NUP210L: variants seen among roughly 807,000 people sequenced by gnomAD.
The protein encoded by NUP210L is nucleoporin 210 like, also known as nuclear pore membrane glycoprotein 210-like.
A neutral mutation model predicts 208.5 loss-of-function variants in NUP210L; 74 were observed. The ratio of observed to expected loss-of-function variants is 0.35; its 90% confidence interval spans 0.29 to 0.43. The LOEUF (loss-of-function observed/expected upper bound fraction) is 0.43, where lower values mean the gene tolerates loss of function less well. Ranked by LOEUF, NUP210L falls within the 20% of genes least tolerant of loss-of-function variation. NUP210L has a pLI of 1.00. For synonymous variants in NUP210L, 780 were observed against 816.9 expected (o/e 0.95, Z 0.77); for missense variants, 1,843 against 2,289.4 (o/e 0.81, Z 3.98).
chr1:154,054,698 G>A, intron 24 of NUP210L, 72 bp downstream of exon 24: 2 of 1,026,000 alleles, frequency 1.9e-6, no homozygotes, highest in Admixed American at 1.8e-5. Context: ...AGGAAGAGAG[G>A]TGTGTGTGTG....
At position 154,070,480 on chromosome 1, in the gene NUP210L, AAAGT is replaced by A; in HGVS notation, c.2362-19_2362-16del. ...GATACAGGAATCTGCATTAAAATAA[AAAGT>A]AATAAAACAACAATTTAAAAATCAA... On this transcript the variant is annotated splice_polypyrimidine_tract_variant and intron_variant, in intron 16 of 39. Coordinates refer to ENST00000368559, the Ensembl canonical transcript of NUP210L. The A allele has an allele frequency of 6.7e-7, 1 of 1,500,530 alleles. No homozygotes were observed. Among genetic ancestry groups the A allele is most frequent in the Non-Finnish European group, 8.9e-7 (1 of 1,117,422 alleles). The allele number at this position is 1,500,530 out of a possible 1,614,324, so 93.0% of individuals were successfully genotyped here.
chr1:154,044,047 G>A (rs1230408821), intron 27 of NUP210L, among the ~76,000 whole-genome samples: 1 of 152,122 alleles, frequency 6.6e-6, no homozygotes, highest in African/African-American at 2.4e-5. Context: ...TTAAAGAAAG[G>A]GAGAAGTAGA....
At chr1:154,151,065 G>A (rs536313937) in intron 2 of NUP210L, among the ~76,000 whole-genome samples, 3 of 152,212 alleles carry the variant, frequency 2.0e-5, no homozygotes, top group Admixed American at 6.5e-5. Context: ...AAGTTAAGCT[G>A]AGAGCAAGAT....
intron 2 of NUP210L, among the ~76,000 whole-genome samples, chr1:154,150,860 CA>C (rs1659349446): frequency 6.6e-6 from 1 of 151,938 alleles, no homozygotes; most frequent in African/African-American, 2.4e-5. Flanking sequence ...TTCTCTTAGG[CA>C]TGCACTTCTC....
intron 10 of NUP210L, among the ~76,000 whole-genome samples, chr1:154,120,531 A>G (rs1471674941): frequency 1.3e-5 from 2 of 151,916 alleles, no homozygotes; most frequent in African/African-American, 4.8e-5. Flanking sequence ...AACGTAAATG[A>G]TAAGTTAATG....
At chr1:154,142,450 G>T (rs1324472770) in intron 3 of NUP210L, among the ~76,000 whole-genome samples, 2 of 151,962 alleles carry the variant, frequency 1.3e-5, no homozygotes, top group Admixed American at 6.6e-5. Context: ...GATCAAGATT[G>T]TAACTTTTTT....
At chr1:154,144,785 T>C (rs992895705) in intron 2 of NUP210L, among the ~76,000 whole-genome samples, 21 of 152,186 alleles carry the variant, frequency 1.4e-4, no homozygotes, top group Admixed American at 1.2e-3. Flanking sequence ...TCCCTAACCA[T>C]AGATCTGCTT....
chr1:154,093,502 G>A (rs551007335), intron 15 of NUP210L, among the ~76,000 whole-genome samples: 50 of 152,284 alleles, frequency 3.3e-4, no homozygotes, highest in African/African-American at 1.1e-3. Context: ...TGAAATTACT[G>A]ATAGCTAGTT....
chr1:154,025,526 A>G lies in NUP210L; in HGVS notation c.4122+16T>C. 6.9e-7 allele frequency: 1 copy of G among 1,453,838 alleles called. No individual in the cohort carries two copies. Among genetic ancestry groups the G allele is most frequent in the Non-Finnish European group, 9.2e-7 (1 of 1,089,338 alleles). The allele number at this position is 1,453,838 out of a possible 1,614,324, so 90.1% of individuals were successfully genotyped here. On this transcript the variant is annotated intron_variant, in intron 30 of 39. Transcript: ENST00000368559. ...CTTTTATTTATTTGTTTTTTTTAGTAAGTCCATGAACTCACCTGGACCCCA... is the reference window on the plus strand; with the variant it reads ...CTTTTATTTATTTGTTTTTTTTAGTGAGTCCATGAACTCACCTGGACCCCA...
intron 10 of NUP210L, among the ~76,000 whole-genome samples, chr1:154,125,995 C>T (rs1374632099): frequency 6.6e-6 from 1 of 151,390 alleles, no homozygotes; most frequent in African/African-American, 2.4e-5. Context: ...GTCTCGATCT[C>T]CTGACCTCGT....
At chr1:154,112,829 A>G (rs529762546) in intron 12 of NUP210L, among the ~76,000 whole-genome samples, 1 of 147,936 alleles carries the variant, frequency 6.8e-6, no homozygotes, top group African/African-American at 2.5e-5. Flanking sequence ...GCACTCCAGC[A>G]TGGGCAACAG....
intron 37 of NUP210L, among the ~76,000 whole-genome samples, chr1:153,996,594 G>A (rs1390305450): frequency 3.3e-5 from 5 of 151,902 alleles, no homozygotes; most frequent in African/African-American, 1.2e-4. Context: ...GCTAATTTTC[G>A]TATTTTTAGT....
chr1:154,147,906 C>A (rs558024709), intron 2 of NUP210L, among the ~76,000 whole-genome samples: 1 of 146,124 alleles, frequency 6.8e-6, no homozygotes, highest in South Asian at 2.2e-4. Context: ...CCACCCGCCT[C>A]GGCCTCCCAA....
intron 11 of NUP210L, among the ~76,000 whole-genome samples, chr1:154,118,469 T>C (rs1657442624): frequency 6.6e-6 from 1 of 152,074 alleles, no homozygotes; most frequent in Non-Finnish European, 1.5e-5. Flanking sequence ...GGAAAGGATA[T>C]TGGGAAGAGA....
intron 33 of NUP210L, among the ~76,000 whole-genome samples, chr1:154,014,837 C>A (rs1651150364): frequency 6.6e-6 from 1 of 152,018 alleles, no homozygotes; most frequent in African/African-American, 2.4e-5. Context: ...AACCCTGCCT[C>A]TACTAAAAAT....
Position 154,142,781 on chromosome 1 carries a change from T to C in NUP210L, c.472+665A>G, listed in dbSNP as rs550966763. Among the ~76,000 whole-genome samples, 14 of 149,372 alleles carry C rather than the reference T, an allele frequency of 9.4e-5. No homozygotes were observed. In the East Asian group the frequency reaches 2.8e-3, roughly 30 times the overall value. On this transcript the variant is annotated intron_variant, in intron 3 of 39. Coordinates refer to ENST00000368559, the Ensembl canonical transcript of NUP210L. ...GCGCGTGCCTGTATTCCCAGCTACT[T>C]GGGAGGCTGAGGCACAAGAATCGCC...
At chr1:154,151,742 C>T (rs1475284448) in intron 2 of NUP210L, among the ~76,000 whole-genome samples, 1 of 152,072 alleles carries the variant, frequency 6.6e-6, no homozygotes, top group Non-Finnish European at 1.5e-5. Flanking sequence ...GAGCTACTGT[C>T]GTGCCATTGC....
chr1:154,122,415 G>A (rs560024945), intron 10 of NUP210L, among the ~76,000 whole-genome samples: 1 of 152,246 alleles, frequency 6.6e-6, no homozygotes, highest in South Asian at 2.1e-4. Flanking sequence ...CCAGCACTTT[G>A]GGAGGCCGAG....
rs187595086 is a variant in NUP210L at position 154,056,563 on chromosome 1, C to A, written c.3240+252G>T. ...TTGAGTAGCTGGAACTACAGGCACA[C>A]CATGTCTGGCTAATTTATTTTATTT... On this transcript the variant is annotated intron_variant, in intron 23 of 39. Coordinates refer to ENST00000368559, the Ensembl canonical transcript of NUP210L. Among the ~76,000 whole-genome samples the A allele has an allele frequency of 1.8e-3, 279 of 152,152 alleles. 1 individual carries two copies. The highest frequency in any genetic ancestry group is 5.5e-3 in the Admixed American group (84 of 15,278).
Sources: gnomAD v4.1 joint callset for allele counts (sites outside exome capture counted in the v4.1 genomes callset) on GRCh38, gnomAD v4.1.1 for gene constraint, MANE v1.5 for transcripts, NCBI Gene and HGNC (gene_info 2026-07-23, HGNC 2026-07-21) for gene names.